CADM2: variants seen among roughly 807,000 people sequenced by gnomAD.
CADM2 encodes the protein immunoglobulin superfamily member 4D.
In CADM2, 12 loss-of-function variants were observed where a neutral mutation model predicts 49.8. That is an observed-to-expected ratio of 0.24 (90% CI 0.15 to 0.39). CADM2 has a LOEUF of 0.39. Ranked by LOEUF, CADM2 falls within the 10% of genes least tolerant of loss-of-function variation. The pLI is 1.00. For synonymous variants in CADM2, 214 were observed against 175.4 expected (o/e 1.22, Z -1.74); for missense variants, 378 against 492.3 (o/e 0.77, Z 2.20).
chr3:85,207,309 T>C (rs2041669802), intron 1 of CADM2, among the ~76,000 whole-genome samples: 1 of 152,200 alleles, frequency 6.6e-6, no homozygotes, highest in Admixed American at 6.5e-5. Flanking sequence ...GAAAGTTTCA[T>C]CACTGACTAT....
intron 1 of CADM2, among the ~76,000 whole-genome samples, chr3:85,242,076 TA>T (rs1185437560): frequency 2.7e-5 from 4 of 146,972 alleles, no homozygotes; most frequent in African/African-American, 5.2e-5. Context: ...TTTTTTTTTT[TA>T]TATATATAAG....
intron 1 of CADM2, among the ~76,000 whole-genome samples, chr3:85,504,361 T>C (rs1302439706): frequency 2.6e-5 from 4 of 151,914 alleles, no homozygotes; most frequent in Admixed American, 2.6e-4. Flanking sequence ...ACCCAAAGAG[T>C]GAGCAGTGGC....
intron 7 of CADM2, among the ~76,000 whole-genome samples, chr3:85,956,943 G>T (rs550548937): frequency 5.3e-5 from 8 of 151,636 alleles, no homozygotes; most frequent in South Asian, 4.1e-4. Context: ...TCAAGAAAAG[G>T]TTGCCTCCTA....
At chr3:85,939,722 A>G (rs1721624140) in intron 7 of CADM2, among the ~76,000 whole-genome samples, 1 of 151,112 alleles carries the variant, frequency 6.6e-6, no homozygotes, top group Non-Finnish European at 1.5e-5. Context: ...AAGTTTTTCT[A>G]TGTATCCAGC....
intron 2 of CADM2, among the ~76,000 whole-genome samples, chr3:85,764,085 G>A (rs998564304): frequency 7.2e-5 from 11 of 152,138 alleles, no homozygotes; most frequent in Middle Eastern, 3.4e-3. Flanking sequence ...ATGTACTATC[G>A]TAGTGTTAGT....
chr3:86,013,113 G>C (rs1268219250), intron 8 of CADM2: 1 of 1,350,126 alleles, frequency 7.4e-7, no homozygotes, highest in African/African-American at 1.4e-5. Flanking sequence ...TGATCTTACA[G>C]TCATTTGAAC....
chr3:85,734,767 T>C (rs1234802750), intron 2 of CADM2, among the ~76,000 whole-genome samples: 2 of 148,714 alleles, frequency 1.3e-5, no homozygotes, highest in African/African-American at 4.9e-5. Context: ...TATATACATA[T>C]ACATAACTCA....
At chr3:86,047,897 G>A (rs902939286) in intron 8 of CADM2, among the ~76,000 whole-genome samples, 1 of 152,100 alleles carries the variant, frequency 6.6e-6, no homozygotes, top group African/African-American at 2.4e-5. Flanking sequence ...ATTAGTGATA[G>A]GAAGAGGAAG....
chr3:85,953,102 C>T (rs574078849), intron 7 of CADM2, among the ~76,000 whole-genome samples: 1 of 150,830 alleles, frequency 6.6e-6, no homozygotes, highest in African/African-American at 2.4e-5. Flanking sequence ...AACTTTCCTT[C>T]CCACATTTCA....
chr3:85,212,879 T>TC (rs1559723855), intron 1 of CADM2, among the ~76,000 whole-genome samples: 6 of 134,026 alleles, frequency 4.5e-5, no homozygotes, highest in Admixed American at 1.5e-4. Flanking sequence ...TCTTTCTTTC[T>TC]TTCTTTCTCT....
At position 85,479,442 on chromosome 3, in the gene CADM2, AT is replaced by A. The variant is rs201247614; in HGVS notation, c.62-247079del. Among the ~76,000 whole-genome samples, 78 of 104,154 alleles carry A rather than the reference AT, an allele frequency of 7.5e-4. No individual in the cohort carries two copies. The East Asian group carries it at 0.046, about 62-fold the overall frequency. 68.3% of individuals were successfully genotyped at this position (104,154 alleles called of 152,430 possible). On this transcript the variant is annotated intron_variant, in intron 1 of 9. Coordinates refer to ENST00000383699, the MANE Select transcript of CADM2 (RefSeq NM_001167675.2). ...AAAATCCTTACAACAAACTTTAAAG[AT>A]GGGTATTTCCTCTTTCTGATTGTTA...
chr3:85,995,904 C>T (rs532494371), intron 8 of CADM2, among the ~76,000 whole-genome samples: 1 of 151,588 alleles, frequency 6.6e-6, no homozygotes, highest in African/African-American at 2.4e-5. Flanking sequence ...CCTGGCTAAC[C>T]AGGTGAAACA....
At chr3:85,853,095 T>C (rs1396304976) in intron 3 of CADM2, among the ~76,000 whole-genome samples, 2 of 151,382 alleles carry the variant, frequency 1.3e-5, no homozygotes. Flanking sequence ...ATTTAAACAA[T>C]CTTTCTTAAA....
intron 1 of CADM2, among the ~76,000 whole-genome samples, chr3:85,250,194 G>T (rs1003143799): frequency 1.3e-5 from 2 of 151,476 alleles, no homozygotes. Context: ...AATATTTTCA[G>T]TAACATGATA....
intron 3 of CADM2, among the ~76,000 whole-genome samples, chr3:85,808,266 T>C (rs959181176): frequency 6.6e-6 from 1 of 152,202 alleles, no homozygotes; most frequent in South Asian, 2.1e-4. Flanking sequence ...CTAGAATAGA[T>C]GTAGCTAAGG....
In CADM2 at chr3:86,055,481, G is replaced by GTTTTTTTTTTTTTTTTTT. The variant is rs1440467932; in HGVS notation, c.971-10120_971-10119insTTTTTTTTTTTTTTTTTT. ...TTTTTTTTTTTTTTTTTTTTTTTTG[G>GTTTTTTTTTTTTTTTTTT]TTTTAGAGGGATTCTTGCTCTGTCA... is the stretch of plus-strand genomic sequence containing the variant. On this transcript the variant is annotated intron_variant, in intron 8 of 9. Coordinates refer to ENST00000383699, the MANE Select transcript of CADM2 (RefSeq NM_001167675.2). Among the ~76,000 whole-genome samples, 3 of 121,040 alleles carry GTTTTTTTTTTTTTTTTTT rather than the reference G, an allele frequency of 2.5e-5. 1 individual carries two copies. The highest frequency in any genetic ancestry group is 1.6e-5 in the Non-Finnish European group (1 of 61,326). The allele number at this position is 121,040 out of a possible 152,430, so 79.4% of individuals were successfully genotyped here. A position where few individuals can be genotyped will look rare whatever the true frequency, so the allele number is the denominator to read the frequency against.
intron 1 of CADM2, among the ~76,000 whole-genome samples, chr3:85,349,535 C>G (rs2031120020): frequency 6.6e-6 from 1 of 152,144 alleles, no homozygotes; most frequent in African/African-American, 2.4e-5. Flanking sequence ...TTTGGCATTA[C>G]AGTGCGAGAA....
chr3:85,876,261 T>C (rs187572771), intron 3 of CADM2, among the ~76,000 whole-genome samples: 1 of 152,286 alleles, frequency 6.6e-6, no homozygotes, highest in East Asian at 1.9e-4. Context: ...TTAGTACTTG[T>C]CTATAAAATA....
intron 1 of CADM2, among the ~76,000 whole-genome samples, chr3:85,537,011 C>A (rs2061434118): frequency 6.6e-6 from 1 of 151,720 alleles, no homozygotes; most frequent in African/African-American, 2.4e-5. Context: ...TGTGACTGTA[C>A]TTTTGAAATT....
Sources: gnomAD v4.1 joint callset for allele counts (sites outside exome capture counted in the v4.1 genomes callset) on GRCh38, gnomAD v4.1.1 for gene constraint, MANE v1.5 for transcripts, NCBI Gene and HGNC (gene_info 2026-07-23, HGNC 2026-07-21) for gene names.